The following LUZP2 variants were observed in gnomAD, a reference collection of about 807,000 sequenced individuals.
LUZP2 encodes the protein leucine zipper protein 2.
Under a neutral mutation model 51.6 loss-of-function variants are expected in LUZP2, and 52 were observed. The observed-to-expected ratio is 1.01, with a 90% CI of 0.81 to 1.27. LUZP2 has a LOEUF of 1.27. Ranked by LOEUF, LUZP2 falls within the 50% of genes most tolerant of loss-of-function variation. The pLI, the probability that LUZP2 is intolerant of heterozygous loss-of-function variation, is 0.00. For missense variants in LUZP2, 436 were observed against 395.4 expected (o/e 1.10, Z -0.87); for synonymous variants, 154 against 137.3 (o/e 1.12, Z -0.85).
intron 9 of LUZP2, among the ~76,000 whole-genome samples, chr11:25,030,702 C>G (rs990617926): frequency 1.3e-5 from 2 of 150,482 alleles, no homozygotes; most frequent in South Asian, 4.2e-4. Flanking sequence ...TAATTTAATA[C>G]ATAATTTGTT....
intron 10 of LUZP2, among the ~76,000 whole-genome samples, chr11:25,074,078 A>G (rs568952296): frequency 1.6e-4 from 24 of 152,180 alleles, no homozygotes; most frequent in Non-Finnish European, 2.2e-4. Context: ...AACTACTTTT[A>G]TACTACAACA....
In LUZP2 at chr11:25,044,255, GTGTATA is replaced by G. The variant is rs1312722584; in HGVS notation, c.766-5781_766-5776del. On this transcript the variant is annotated intron_variant, in intron 9 of 11. Coordinates refer to ENST00000336930, the MANE Select transcript of LUZP2 (RefSeq NM_001009909.4). ...TGTGTATGTGTGTGTGTGTGTGTGT[GTGTATA>G]TATATATATATATATATATATATAT... Among the ~76,000 whole-genome samples the G allele has an allele frequency of 3.3e-3, 140 of 42,360 alleles. 1 individual carries two copies. Among genetic ancestry groups the G allele is most frequent in the African/African-American group, 0.016 (129 of 8,134 alleles). 27.8% of individuals were successfully genotyped at this position (42,360 alleles called of 152,430 possible).
intron 1 of LUZP2, among the ~76,000 whole-genome samples, chr11:24,618,238 T>C (rs995249547): frequency 6.6e-6 from 1 of 152,076 alleles, no homozygotes; most frequent in Non-Finnish European, 1.5e-5. Context: ...ATAGGAAAAA[T>C]GTTTCATTAC....
intron 1 of LUZP2, among the ~76,000 whole-genome samples, chr11:24,623,804 G>A (rs766742791): frequency 1.4e-4 from 22 of 152,200 alleles, no homozygotes; most frequent in East Asian, 7.7e-4. Context: ...CTGAGGTCAC[G>A]CCACTGCACT....
intron 5 of LUZP2, among the ~76,000 whole-genome samples, chr11:24,816,129 T>TA: frequency 6.6e-6 from 1 of 152,252 alleles, no homozygotes; most frequent in East Asian, 1.9e-4. Context: ...TTTATAATGA[T>TA]AAAAAATAAT....
intron 1 of LUZP2, among the ~76,000 whole-genome samples, chr11:24,680,819 C>T (rs1198354229): frequency 1.3e-5 from 2 of 152,138 alleles, no homozygotes; most frequent in Non-Finnish European, 2.9e-5. Flanking sequence ...TTAACTTGCT[C>T]AAGGTCAACG....
At chr11:24,569,561 C>T (rs2133796107) in intron 1 of LUZP2, among the ~76,000 whole-genome samples, 1 of 152,092 alleles carries the variant, frequency 6.6e-6, no homozygotes, top group East Asian at 1.9e-4. Context: ...TAACTCACTT[C>T]TCTACATGCC....
chr11:25,072,361 G>A (rs1319980705), intron 10 of LUZP2, among the ~76,000 whole-genome samples: 2 of 151,992 alleles, frequency 1.3e-5, no homozygotes, highest in East Asian at 1.9e-4. Flanking sequence ...GTCAGTGCCT[G>A]GCTCATAATA....
At chr11:25,062,743 T>C in intron 10 of LUZP2, among the ~76,000 whole-genome samples, 1 of 151,646 alleles carries the variant, frequency 6.6e-6, no homozygotes, top group Non-Finnish European at 1.5e-5. Context: ...TTGTCAGTTT[T>C]ATATACATTT....
At chr11:24,677,403 T>C (rs1354481993) in intron 1 of LUZP2, among the ~76,000 whole-genome samples, 1 of 152,252 alleles carries the variant, frequency 6.6e-6, no homozygotes, top group African/African-American at 2.4e-5. Flanking sequence ...CATCTTGTGC[T>C]ACTTCTGTCT....
chr11:24,540,075 A>T (rs1423330196), intron 1 of LUZP2, among the ~76,000 whole-genome samples: 1 of 152,086 alleles, frequency 6.6e-6, no homozygotes, highest in African/African-American at 2.4e-5. Flanking sequence ...CATAAATCTG[A>T]AAGTTTTATT....
intron 4 of LUZP2, among the ~76,000 whole-genome samples, chr11:24,757,811 A>C (rs7123025): frequency 0.25 from 37,751 of 151,842 alleles, 4,991 homozygotes; most frequent in East Asian, 0.42. Context: ...CAACTAATTA[A>C]TTTTAAATTG....
intron 8 of LUZP2, among the ~76,000 whole-genome samples, chr11:24,979,533 A>G (rs1006483373): frequency 2.6e-5 from 4 of 151,874 alleles, no homozygotes; most frequent in African/African-American, 9.7e-5. Context: ...CATACGTATT[A>G]TGAAAAACTC....
chr11:24,976,660 G>C lies in LUZP2; in HGVS notation c.592G>C (p.Asp198His). The change falls in exon 8 of 12, where the codon GAC becomes CAC. Residue 198 changes from aspartate (D) to histidine (H), a missense_variant. Physicochemically the swap from Asp to His is moderately conservative, Grantham distance 81 (BLOSUM62 -1). Coordinates refer to ENST00000336930, the MANE Select transcript of LUZP2 (RefSeq NM_001009909.4). ...AAATGAACTGGAGAAAGCAGCTCTTGACAGGGTAAGTCTACATTCATGAAC... is the reference window on the plus strand; with the variant it reads ...AAATGAACTGGAGAAAGCAGCTCTTCACAGGGTAAGTCTACATTCATGAAC... ...AKNELEKAAL[D>H]RESQMKAMKE... 6.6e-7 allele frequency: 1 copy of C among 1,526,712 alleles called. No individual in the cohort carries two copies. The highest frequency in any genetic ancestry group is 1.6e-5 in the African/African-American group (1 of 62,840). The allele number at this position is 1,526,712 out of a possible 1,614,324, so 94.6% of individuals were successfully genotyped here. A position where few individuals can be genotyped will look rare whatever the true frequency, so the allele number is the denominator to read the frequency against.
chr11:24,538,220 G>T (rs746032509), intron 1 of LUZP2, among the ~76,000 whole-genome samples: 8 of 151,844 alleles, frequency 5.3e-5, no homozygotes, highest in Middle Eastern at 3.4e-3. Context: ...CTATTAAGAT[G>T]AGAAAATTAA....
intron 4 of LUZP2, among the ~76,000 whole-genome samples, chr11:24,761,680 G>A (rs577380331): frequency 2.0e-5 from 3 of 152,052 alleles, no homozygotes; most frequent in Non-Finnish European, 2.9e-5. Context: ...ACAGTGCCTC[G>A]TTCTTCACCT....
rs79016191 is a variant in LUZP2 at position 24,971,481 on chromosome 11, G to A, written c.523-5110G>A. Among the ~76,000 whole-genome samples, 1,182 of 152,160 alleles carry A rather than the reference G, an allele frequency of 7.8e-3. 13 individuals are homozygous for A. The highest frequency in any genetic ancestry group is 0.026 in the African/African-American group (1,077 of 41,512). ...TGTGGCATAGGGGCTGGGGACCACTGTACTAGAGGGTGGAGGGAGGAGGTT... is the reference window on the plus strand; with the variant it reads ...TGTGGCATAGGGGCTGGGGACCACTATACTAGAGGGTGGAGGGAGGAGGTT... On this transcript the variant is annotated intron_variant, in intron 7 of 11. Coordinates refer to ENST00000336930, the MANE Select transcript of LUZP2 (RefSeq NM_001009909.4).
intron 5 of LUZP2, among the ~76,000 whole-genome samples, chr11:24,803,523 A>C (rs913855954): frequency 6.7e-6 from 1 of 149,066 alleles, no homozygotes; most frequent in Non-Finnish European, 1.5e-5. Context: ...AAAGATATTC[A>C]TACACCAACA....
chr11:24,745,204 C>A (rs1859333302), intron 4 of LUZP2, among the ~76,000 whole-genome samples: 2 of 152,106 alleles, frequency 1.3e-5, no homozygotes, highest in African/African-American at 2.4e-5. Context: ...ATGAAACGTT[C>A]TGTATATATC....
Sources: allele counts gnomAD v4.1 joint callset (sites outside exome capture counted in the v4.1 genomes callset), GRCh38; gene constraint gnomAD v4.1.1; transcripts MANE v1.5; gene names NCBI Gene and HGNC (gene_info 2026-07-23, HGNC 2026-07-21).